The following BICRAL variants were observed in gnomAD, a reference collection of about 807,000 sequenced individuals.
BICRAL encodes BRD4-interacting chromatin-remodeling complex-associated protein-like.
A neutral mutation model predicts 91.8 loss-of-function variants in BICRAL; 8 were observed. The observed-to-expected ratio is 0.09, with a 90% CI of 0.05 to 0.16. The LOEUF is 0.16. Among genes scored for constraint, BICRAL ranks in the 10% least tolerant of loss-of-function variants. The pLI is 1.00. For synonymous variants in BICRAL, 445 were observed against 491.1 expected (o/e 0.91, Z 1.24); for missense variants, 1,038 against 1,310.9 (o/e 0.79, Z 3.21).
intron 6 of BICRAL, among the ~76,000 whole-genome samples, chr6:42,848,042 C>T (rs1266622890): frequency 5.9e-5 from 9 of 151,678 alleles, no homozygotes; most frequent in Admixed American, 2.6e-4. Flanking sequence ...GGCAGGAGAA[C>T]GGCGTGAACC....
rs2114057348 is a variant in BICRAL, at chr6:42,866,203, A to G, written c.*757A>G. The G allele has an allele frequency of 6.5e-6, 1 of 152,678 alleles. No homozygotes were observed. The highest frequency in any genetic ancestry group is 2.1e-4 in the South Asian group (1 of 4,846). 9.5% of individuals were successfully genotyped at this position (152,678 alleles called of 1,614,324 possible). A position where few individuals can be genotyped will look rare whatever the true frequency, so the allele number is the denominator to read the frequency against. On this transcript the variant is annotated 3_prime_UTR_variant, in exon 13 of 13. Transcript: ENST00000314073. The stretch of plus-strand genomic sequence containing the variant: ...GGAATGTTCTGTTCTTAGTTACAGC[A>G]GCAAAATTTGAAATAATTTCACCAG...
intron 1 of BICRAL, among the ~76,000 whole-genome samples, chr6:42,773,242 C>T (rs1054921678): frequency 7.9e-5 from 12 of 151,972 alleles, no homozygotes; most frequent in African/African-American, 2.4e-4. Context: ...TCATGCCCAG[C>T]TAATTTTTGT....
At chr6:42,803,075 G>A (rs1260414508) in intron 1 of BICRAL, among the ~76,000 whole-genome samples, 3 of 152,164 alleles carry the variant, frequency 2.0e-5, no homozygotes, top group African/African-American at 7.2e-5. Flanking sequence ...ATACCTGGCT[G>A]TGCCAGAAAT....
At chr6:42,826,609 T>G (rs554622765) in intron 5 of BICRAL, among the ~76,000 whole-genome samples, 1 of 152,196 alleles carries the variant, frequency 6.6e-6, no homozygotes, top group East Asian at 1.9e-4. Flanking sequence ...GCCTGGAGAC[T>G]ATATCGAGAT....
upstream of BICRAL, among the ~76,000 whole-genome samples, chr6:42,778,492 C>G (rs1047244447): frequency 6.6e-6 from 1 of 152,152 alleles, no homozygotes; most frequent in African/African-American, 2.4e-5. Context: ...TAGCATAGTG[C>G]CTGGTGGCAC....
chr6:42,747,251 C>T (rs554178393), intron 1 of BICRAL, among the ~76,000 whole-genome samples: 14 of 152,342 alleles, frequency 9.2e-5, no homozygotes, highest in African/African-American at 2.9e-4. Flanking sequence ...GAGACGCAGC[C>T]GCTGCCCGGG....
At chr6:42,845,080 A>G (rs1263724227) in intron 6 of BICRAL, among the ~76,000 whole-genome samples, 1 of 151,704 alleles carries the variant, frequency 6.6e-6, no homozygotes, top group African/African-American at 2.4e-5. Flanking sequence ...CACCATAATT[A>G]TAACACACTG....
intron 1 of BICRAL, among the ~76,000 whole-genome samples, chr6:42,765,928 A>T (rs1762627753): frequency 6.6e-6 from 1 of 152,130 alleles, no homozygotes; most frequent in Admixed American, 6.6e-5. Flanking sequence ...TATATTGTAT[A>T]TGTGGGGATT....
chr6:42,849,526 G>A (rs900141985), intron 6 of BICRAL, among the ~76,000 whole-genome samples: 20 of 148,246 alleles, frequency 1.3e-4, no homozygotes, highest in Admixed American at 1.2e-3. Context: ...TGCAAGTTCC[G>A]CCTCCCAGGT....
rs1554275560 is a variant in BICRAL, at chr6:42,783,233, T to TCCGCGGCCGCGTCCGGCCGAGC, written c.-102+1135_-102+1156dup. On this transcript the variant is annotated intron_variant, in intron 1 of 12. Transcript: ENST00000314073. ...TGCCTTTTCGAAGCACCGCCGAGGA[T>TCCGCGGCCGCGTCCGGCCGAGC]CCGCGGCCGCGTCCGGCCGAGCCCC... Among the ~76,000 whole-genome samples the TCCGCGGCCGCGTCCGGCCGAGC allele has an allele frequency of 2.0e-5, 3 of 151,684 alleles. No homozygotes were observed. In the East Asian group the frequency reaches 5.9e-4, roughly 30 times the overall value.
rs550865783 is a variant in BICRAL at position 42,806,013 on chromosome 6, A to C, written c.-101-4293A>C. On this transcript the variant is annotated intron_variant, in intron 1 of 12. Transcript: ENST00000314073. ...TGAGACTCCATCTCAAAAAAAAAAA[A>C]CGAAGGAAGAAGTAGAGCAATTATT... 1.1e-4 allele frequency among the ~76,000 whole-genome samples: 13 copies of C among 117,412 alleles called. No individual in the cohort carries two copies. In the South Asian group the frequency reaches 3.8e-3, roughly 34 times the overall value. The allele number at this position is 117,412 out of a possible 152,430, so 77.0% of individuals were successfully genotyped here.
intron 1 of BICRAL, among the ~76,000 whole-genome samples, chr6:42,760,001 T>C (rs1343013032): frequency 4.6e-5 from 7 of 152,098 alleles, no homozygotes; most frequent in African/African-American, 1.4e-4. Context: ...TCCCAGCACT[T>C]TGGGAGGCCG....
At chr6:42,773,546 G>A (rs1195739078) in intron 1 of BICRAL, among the ~76,000 whole-genome samples, 2 of 151,826 alleles carry the variant, frequency 1.3e-5, no homozygotes, top group East Asian at 1.9e-4. Context: ...ACGGAGTCTC[G>A]CTCTGTCACC....
At chr6:42,781,888 G>A (rs1192881154), upstream of BICRAL, 4 of 148,050 alleles carry the variant, frequency 2.7e-5, no homozygotes, top group African/African-American at 4.9e-5. Flanking sequence ...GTTTGCCCGG[G>A]CGCAGAGCAT....
At chr6:42,747,818 T>C (rs2152017225) in intron 1 of BICRAL, among the ~76,000 whole-genome samples, 1 of 150,144 alleles carries the variant, frequency 6.7e-6, no homozygotes, top group Middle Eastern at 3.4e-3. Flanking sequence ...TTTTTTTTTT[T>C]TTTTTGAGAC....
intron 8 of BICRAL, 75 bp from the exon 9 acceptor site, chr6:42,855,781 C>A (rs1280467217): frequency 1.8e-6 from 2 of 1,134,652 alleles, no homozygotes; most frequent in Non-Finnish European, 2.7e-6. Flanking sequence ...AATATGTGAA[C>A]TATAGTGACC....
intron 6 of BICRAL, among the ~76,000 whole-genome samples, chr6:42,833,672 TC>T (rs1003532074): frequency 4.6e-5 from 7 of 151,950 alleles, no homozygotes; most frequent in African/African-American, 1.7e-4. Flanking sequence ...GGTCTCAAAC[TC>T]CTGAACTCAG....
intron 1 of BICRAL, among the ~76,000 whole-genome samples, chr6:42,769,231 C>G (rs971144982): frequency 6.6e-6 from 1 of 152,180 alleles, no homozygotes. Flanking sequence ...CCAAGCTCAC[C>G]CGTGAGGCGG....
At chr6:42,843,076 C>T (rs1034139454) in intron 6 of BICRAL, among the ~76,000 whole-genome samples, 12 of 152,008 alleles carry the variant, frequency 7.9e-5, no homozygotes, top group African/African-American at 2.9e-4. Flanking sequence ...AGGCTGGTCT[C>T]GAACTCCTGA....
Sources: allele counts gnomAD v4.1 joint callset (sites outside exome capture counted in the v4.1 genomes callset), GRCh38; gene constraint gnomAD v4.1.1; transcripts MANE v1.5; gene names NCBI Gene and HGNC (gene_info 2026-07-23, HGNC 2026-07-21).